Variants in CACNA2D3 observed in about 807,000 individuals in gnomAD.
CACNA2D3 encodes calcium voltage-gated channel auxiliary subunit alpha2delta 3.
CACNA2D3 carries 60 observed loss-of-function variants against 160.6 expected under a neutral mutation model. That is an observed-to-expected ratio of 0.37 (90% confidence interval 0.30 to 0.46). CACNA2D3 has a LOEUF of 0.46. Among genes scored for constraint, CACNA2D3 ranks in the 20% least tolerant of loss-of-function variants. The pLI is 1.00. For synonymous variants in CACNA2D3, 558 were observed against 492.9 expected, an observed-to-expected ratio of 1.13 and a Z score of -1.75; for missense variants, 1,205 against 1,365.0, an observed-to-expected ratio of 0.88 and a Z score of 1.85.
intron 21 of CACNA2D3, among the ~76,000 whole-genome samples, chr3:54,882,546 C>T (rs1180052047): frequency 6.6e-6 from 1 of 152,170 alleles, no homozygotes; most frequent in Non-Finnish European, 1.5e-5. Context: ...AACCACTGTG[C>T]AAAAAATTAG....
intron 13 of CACNA2D3, among the ~76,000 whole-genome samples, chr3:54,792,507 T>C (rs1702777863): frequency 6.6e-6 from 1 of 152,206 alleles, no homozygotes; most frequent in South Asian, 2.1e-4. Context: ...CAGGTGTGGC[T>C]AGCTCTAGGT....
chr3:54,420,514 A>G (rs752219159), intron 4 of CACNA2D3, among the ~76,000 whole-genome samples: 4 of 152,166 alleles, frequency 2.6e-5, no homozygotes, highest in Non-Finnish European at 4.4e-5. Flanking sequence ...TTGACCTCAG[A>G]TCTCAGTGAC....
chr3:54,479,094 G>T (rs572307305), intron 4 of CACNA2D3, among the ~76,000 whole-genome samples: 3 of 152,022 alleles, frequency 2.0e-5, no homozygotes, highest in East Asian at 3.9e-4. Flanking sequence ...TCATGGAGCG[G>T]TTACCTCCAT....
At chr3:54,969,965 T>TAA (rs113492437) in intron 29 of CACNA2D3, 121 bp downstream of exon 29, 3,074 of 482,080 alleles carry the variant, frequency 6.4e-3, no homozygotes, top group South Asian at 0.011. Flanking sequence ...TGGGCCAATC[T>TAA]AAAAAAAAAA....
At chr3:54,338,755 T>C (rs1704452274) in intron 3 of CACNA2D3, among the ~76,000 whole-genome samples, 1 of 152,134 alleles carries the variant, frequency 6.6e-6, no homozygotes, top group Non-Finnish European at 1.5e-5. Context: ...CATTTCTGTC[T>C]CTGAGCTTCC....
chr3:54,662,755 TAGAAGAGTCAGGAA>T (rs1159254371), intron 11 of CACNA2D3, among the ~76,000 whole-genome samples: 1 of 152,236 alleles, frequency 6.6e-6, no homozygotes, highest in Non-Finnish European at 1.5e-5. Flanking sequence ...TAAGTGTACT[TAGAAGAGTCAGGAA>T]AGGGAAATAT....
intron 11 of CACNA2D3, among the ~76,000 whole-genome samples, chr3:54,723,014 A>G (rs644719): frequency 0.85 from 129,518 of 152,138 alleles, 56,275 homozygotes; most frequent in Non-Finnish European, 0.94. Context: ...TCCGCCAGGT[A>G]CTCTGTCCCA....
chr3:54,440,062 G>T (rs1181092939), intron 4 of CACNA2D3, among the ~76,000 whole-genome samples: 2 of 152,160 alleles, frequency 1.3e-5, no homozygotes, highest in African/African-American at 4.8e-5. Context: ...GGGCTGGCTT[G>T]TGCCCTCACC....
At chr3:54,846,797 AATAC>A (rs1698942456) in intron 17 of CACNA2D3, among the ~76,000 whole-genome samples, 1 of 152,210 alleles carries the variant, frequency 6.6e-6, no homozygotes, top group Non-Finnish European at 1.5e-5. Flanking sequence ...CCCTTGATGT[AATAC>A]ATGGACACTC....
At chr3:54,397,497 A>G (rs1368338190) in intron 4 of CACNA2D3, among the ~76,000 whole-genome samples, 1 of 129,522 alleles carries the variant, frequency 7.7e-6, no homozygotes, top group African/African-American at 3.0e-5. Context: ...AATGCGTCCC[A>G]GAGATTCTGG....
At chr3:54,340,047 AC>A in intron 3 of CACNA2D3, among the ~76,000 whole-genome samples, 1 of 152,350 alleles carries the variant, frequency 6.6e-6, no homozygotes, top group East Asian at 1.9e-4. Context: ...ATGACAAAGG[AC>A]AAAGAAACGT....
chr3:54,424,264 A>G (rs1699880985), intron 4 of CACNA2D3, among the ~76,000 whole-genome samples: 1 of 152,158 alleles, frequency 6.6e-6, no homozygotes, highest in South Asian at 2.1e-4. Flanking sequence ...AGGCTGCAAA[A>G]AGAGGCAGGA....
Position 54,521,836 on chromosome 3 carries a change from G to A in CACNA2D3, c.544+18182G>A, listed in dbSNP as rs183951139. ...AGACTGTTCTTTCCCCCATTGAAGC[G>A]AGTCATGATTCCCTTGTAGAAAATC... On this transcript the variant is annotated intron_variant, in intron 5 of 37. Coordinates refer to ENST00000474759, the MANE Select transcript of CACNA2D3 (RefSeq NM_018398.3). 7.9e-5 allele frequency among the ~76,000 whole-genome samples: 12 copies of A among 152,230 alleles called. No homozygotes were observed. The East Asian group carries it at 2.3e-3, about 29-fold the overall frequency.
intron 17 of CACNA2D3, among the ~76,000 whole-genome samples, chr3:54,860,972 A>G (rs1481413832): frequency 6.6e-6 from 1 of 152,260 alleles, no homozygotes; most frequent in Non-Finnish European, 1.5e-5. Flanking sequence ...TTAAATGACT[A>G]CATAGACTAA....
intron 9 of CACNA2D3, among the ~76,000 whole-genome samples, chr3:54,587,094 A>G (rs1173320373): frequency 6.6e-6 from 1 of 152,024 alleles, no homozygotes; most frequent in Admixed American, 6.6e-5. Flanking sequence ...CCACCTCAAG[A>G]AATTAGAAAA....
intron 4 of CACNA2D3, among the ~76,000 whole-genome samples, chr3:54,441,917 G>T (rs1309326507): frequency 6.6e-6 from 1 of 152,190 alleles, no homozygotes; most frequent in Admixed American, 6.5e-5. Flanking sequence ...TATACTGGCT[G>T]TTGAACAAAG....
intron 3 of CACNA2D3, among the ~76,000 whole-genome samples, chr3:54,326,613 G>A (rs1297715100): frequency 6.6e-6 from 1 of 152,190 alleles, no homozygotes; most frequent in African/African-American, 2.4e-5. Flanking sequence ...TTATCCATTT[G>A]TAAGTTAAGG....
chr3:54,566,837 G>A (rs1702417090), intron 6 of CACNA2D3, among the ~76,000 whole-genome samples: 1 of 152,166 alleles, frequency 6.6e-6, no homozygotes, highest in African/African-American at 2.4e-5. Context: ...CTACAGCCAC[G>A]ATGAGGGAGC....
intron 3 of CACNA2D3, among the ~76,000 whole-genome samples, chr3:54,355,272 C>CTTGAAGTGCAACTGGAGGCCA (rs1356223649): frequency 4.6e-5 from 7 of 152,160 alleles, no homozygotes. Context: ...GTAGGTCATA[C>CTTGAAGTGCAACTGGAGGCCA]TTGAAGTGCA....
Sources: gnomAD v4.1 joint callset for allele counts (sites outside exome capture counted in the v4.1 genomes callset) on GRCh38, gnomAD v4.1.1 for gene constraint, MANE v1.5 for transcripts, NCBI Gene and HGNC (gene_info 2026-07-23, HGNC 2026-07-21) for gene names.